The following AGPAT3 variants were observed in gnomAD, a reference collection of about 807,000 sequenced individuals.
The protein encoded by AGPAT3 is 1-acylglycerol-3-phosphate O-acyltransferase 3, also known as 1-acyl-sn-glycerol-3-phosphate acyltransferase gamma.
A neutral mutation model predicts 47.3 loss-of-function variants in AGPAT3; 5 were observed. The ratio of observed to expected loss-of-function variants is 0.11; its 90% confidence interval spans 0.06 to 0.22. The LOEUF is 0.22. AGPAT3 is among the 10% of genes least tolerant of loss of function. The probability of loss-of-function intolerance (pLI) is 1.00; values close to 1 mark genes in which losing one functional copy is unlikely to be tolerated. For synonymous variants in AGPAT3, 212 were observed against 208.3 expected (o/e 1.02, Z -0.15); for missense variants, 315 against 493.0 (o/e 0.64, Z 3.42).
chr21:43,894,911 TATC>T (rs1049959752), intron 1 of AGPAT3, among the ~76,000 whole-genome samples: 12 of 152,220 alleles, frequency 7.9e-5, no homozygotes, highest in Admixed American at 7.2e-4. Context: ...CCTCTCTTTT[TATC>T]ATCAACTCTC....
intron 1 of AGPAT3, among the ~76,000 whole-genome samples, chr21:43,871,510 T>C (rs1325565537): frequency 6.6e-6 from 1 of 152,222 alleles, no homozygotes; most frequent in African/African-American, 2.4e-5. Flanking sequence ...TTACATGGAA[T>C]GTTCTATGTC....
At chr21:43,956,161 A>G (rs1248267923) in intron 2 of AGPAT3, among the ~76,000 whole-genome samples, 1 of 152,162 alleles carries the variant, frequency 6.6e-6, no homozygotes, top group African/African-American at 2.4e-5. Context: ...CCCACCCTGT[A>G]CAACTCAGGA....
At position 43,985,389 on chromosome 21, in the gene AGPAT3, T is replaced by G; in HGVS notation, c.*2997T>G. The G allele has an allele frequency of 3.1e-6, 1 of 322,940 alleles. No individual in the cohort carries two copies. Among genetic ancestry groups the G allele is most frequent in the Non-Finnish European group, 6.1e-6 (1 of 164,354 alleles). The allele number at this position is 322,940 out of a possible 1,614,324, so 20.0% of individuals were successfully genotyped here. A position where few individuals can be genotyped will look rare whatever the true frequency, so the allele number is the denominator to read the frequency against. ...ACAAAACAACAATGTAAGCAGCACT[T>G]TCTTGTGTAAAAAAAAAAAAAAAGC... On this transcript the variant is annotated 3_prime_UTR_variant, in exon 10 of 10. Transcript: ENST00000291572.
At chr21:43,928,100 G>A (rs1033886310) in intron 2 of AGPAT3, among the ~76,000 whole-genome samples, 2 of 152,224 alleles carry the variant, frequency 1.3e-5, no homozygotes, top group Admixed American at 6.5e-5. Flanking sequence ...GCTCCCGGAC[G>A]CAGCAGAAAC....
At chr21:43,935,345 C>T (rs1023247189) in intron 2 of AGPAT3, among the ~76,000 whole-genome samples, 5 of 152,232 alleles carry the variant, frequency 3.3e-5, no homozygotes, top group South Asian at 2.1e-4. Context: ...ACCCAGATCC[C>T]GCCTCTCTCC....
chr21:43,965,604 G>GTTTT, intron 3 of AGPAT3: 1 of 152,012 alleles, frequency 6.6e-6, no homozygotes. Context: ...TGAATTTTAG[G>GTTTT]TTTTTTTTGT....
intron 2 of AGPAT3, among the ~76,000 whole-genome samples, chr21:43,949,678 G>T (rs946515264): frequency 6.6e-6 from 1 of 152,206 alleles, no homozygotes; most frequent in Non-Finnish European, 1.5e-5. Flanking sequence ...CTGGTCACAC[G>T]GGGTTTTTCC....
At chr21:43,959,535 G>A (rs1477447772) in intron 2 of AGPAT3, 99 bp from the exon 3 acceptor site, 9 of 1,076,800 alleles carry the variant, frequency 8.4e-6, no homozygotes, top group East Asian at 2.4e-5. Context: ...GTGTATAAGC[G>A]TGAGGCATGT....
chr21:43,937,631 G>A (rs1053491398), intron 2 of AGPAT3, among the ~76,000 whole-genome samples: 1 of 152,148 alleles, frequency 6.6e-6, no homozygotes, highest in Non-Finnish European at 1.5e-5. Context: ...TGGCGCAATC[G>A]TGGCTCACTG....
intron 2 of AGPAT3, among the ~76,000 whole-genome samples, chr21:43,926,572 T>C (rs1314880287): frequency 6.6e-6 from 1 of 150,930 alleles, no homozygotes; most frequent in Non-Finnish European, 1.5e-5. Flanking sequence ...GTTTCCATGC[T>C]GCGGCATTTA....
At chr21:43,959,474 TTGTA>T (rs78993127) in intron 2 of AGPAT3, among the ~76,000 whole-genome samples, 156 bp from the exon 3 acceptor site, 33,016 of 150,686 alleles carry the variant, frequency 0.22, 3,965 homozygotes, top group Admixed American at 0.31. Flanking sequence ...TGTGTGTGGT[TTGTA>T]TGTGTGTGGC....
intron 4 of AGPAT3, 58 bp from the exon 5 acceptor site, chr21:43,969,060 G>A: frequency 1.3e-6 from 2 of 1,583,692 alleles, no homozygotes; most frequent in Middle Eastern, 1.8e-4. Flanking sequence ...GCCTGGCCAA[G>A]CCCCTGGCCT....
chr21:43,901,029 C>T (rs1413240014), intron 1 of AGPAT3, among the ~76,000 whole-genome samples: 1 of 152,190 alleles, frequency 6.6e-6, no homozygotes, highest in South Asian at 2.1e-4. Context: ...AGGCTAGACA[C>T]TGTAGCCCCC....
rs115224146 is a variant in AGPAT3 at position 43,932,329 on chromosome 21, C to T, written c.-48-27305C>T. The stretch of plus-strand genomic sequence containing the variant: ...CCAGTTCTGGTGAGACCTCCGTTTC[C>T]GATTCCTCGTGTGAGTGAGGTCGTG... On this transcript the variant is annotated intron_variant, in intron 2 of 9. Coordinates refer to ENST00000291572, the MANE Select transcript of AGPAT3 (RefSeq NM_020132.5). This position sits in a 1 kb window ranked among gnomAD's most constrained non-coding sequence, Gnocchi z 5.2. Among the ~76,000 whole-genome samples the T allele has an allele frequency of 5.0e-3, 767 of 152,274 alleles. 4 individuals carry two copies. The highest frequency in any genetic ancestry group is 0.017 in the African/African-American group (696 of 41,546).
chr21:43,896,148 C>A (rs1377261691), intron 1 of AGPAT3, among the ~76,000 whole-genome samples: 1 of 152,244 alleles, frequency 6.6e-6, no homozygotes, highest in Admixed American at 6.5e-5. Flanking sequence ...AAGTGATCCA[C>A]CTGCCTTGGC....
chr21:43,918,220 C>CGGTTGTGGGTGTTGTGGGTGTTGCGGT (rs1569063660), intron 2 of AGPAT3, among the ~76,000 whole-genome samples: 1 of 138,644 alleles, frequency 7.2e-6, no homozygotes, highest in African/African-American at 2.7e-5. Flanking sequence ...GGTGTTGCGG[C>CGGTTGTGGGTGTTGTGGGTGTTGCGGT]GGTTGTGGGT....
intron 1 of AGPAT3, among the ~76,000 whole-genome samples, chr21:43,876,658 C>CAGTA (rs1397828318): frequency 2.0e-5 from 3 of 152,116 alleles, no homozygotes; most frequent in African/African-American, 7.2e-5. Flanking sequence ...CCGTAATGAA[C>CAGTA]AGTAGAAGGA....
intron 2 of AGPAT3, among the ~76,000 whole-genome samples, chr21:43,950,360 G>C (rs2088131928): frequency 6.6e-6 from 1 of 152,178 alleles, no homozygotes; most frequent in Non-Finnish European, 1.5e-5. Context: ...ATGCTGATAA[G>C]GTTGGGCTGG....
At chr21:43,971,917 G>A (rs62229687) in intron 7 of AGPAT3, among the ~76,000 whole-genome samples, 5,501 of 152,184 alleles carry the variant, frequency 0.036, 184 homozygotes, top group South Asian at 0.14. Context: ...GTCTCCTGGG[G>A]CCCACAGTCA....
Sources: gnomAD v4.1 joint callset for allele counts (sites outside exome capture counted in the v4.1 genomes callset) on GRCh38, gnomAD v4.1.1 for gene constraint, Gnocchi (gnomAD v3.1) non-coding constraint, MANE v1.5 for transcripts, NCBI Gene and HGNC (gene_info 2026-07-23, HGNC 2026-07-21) for gene names.